Variants in GDI2 observed in about 807,000 individuals in gnomAD.
GDI2 encodes the protein GDP dissociation inhibitor 2, also known as rab GDP dissociation inhibitor beta.
In GDI2, 22 loss-of-function variants were observed where a neutral mutation model predicts 54.2. The observed-to-expected ratio is 0.41, with a 90% confidence interval of 0.29 to 0.58. GDI2 has a LOEUF of 0.58. Ranked by LOEUF, GDI2 falls within the 20% of genes least tolerant of loss-of-function variation. The pLI is 0.35. For synonymous variants in GDI2, 177 were observed against 182.1 expected, an observed-to-expected ratio of 0.97 and a Z score of 0.23; for missense variants, 422 against 546.0, an observed-to-expected ratio of 0.77 and a Z score of 2.26.
rs1225261192 is a variant in GDI2 at position 5,766,720 on chromosome 10, G to A, written c.992-82C>T. The A allele has an allele frequency of 2.7e-6, 3 of 1,113,110 alleles. No homozygotes were observed. The highest frequency in any genetic ancestry group is 4.0e-6 in the Non-Finnish European group (3 of 742,634). 69.0% of individuals were successfully genotyped at this position (1,113,110 alleles called of 1,614,324 possible). On this transcript the variant is annotated intron_variant, in intron 8 of 10. Transcript: ENST00000380191. The surrounding 1 kb of genome is among the most constrained non-coding windows in gnomAD (Gnocchi z 5.8). ...TACTCAGGTATCACCCATATGTCAT[G>A]AGGTGTGAGTTAAAATTACTCTCAA...
At chr10:5,812,701 G>A (rs1405074150) in intron 1 of GDI2, among the ~76,000 whole-genome samples, 1 of 152,240 alleles carries the variant, frequency 6.6e-6, no homozygotes, top group African/African-American at 2.4e-5. Flanking sequence ...TCAAGCCCTA[G>A]CAGTTCCGAA....
At chr10:5,784,283 ATTAT>A (rs1564392697) in intron 6 of GDI2, among the ~76,000 whole-genome samples, 1 of 152,004 alleles carries the variant, frequency 6.6e-6, no homozygotes, top group Non-Finnish European at 1.5e-5. Context: ...AGAAGTTGTG[ATTAT>A]TTATTTATGC....
At chr10:5,782,697 G>T (rs770289437) in intron 6 of GDI2, among the ~76,000 whole-genome samples, 57 of 152,212 alleles carry the variant, frequency 3.7e-4, no homozygotes, top group Admixed American at 7.2e-4. Flanking sequence ...ACATTGGGAG[G>T]CCAAGGTGGG....
rs761055605 is a variant in GDI2, at chr10:5,766,663, C to T, written c.992-25G>A. The stretch of plus-strand genomic sequence containing the variant: ...TCTAGAAACAAATGATACCAGCTCA[C>T]TGCCTCAAGTGTCTCCATCTGGGAC... On this transcript the variant is annotated intron_variant, in intron 8 of 10. Coordinates refer to ENST00000380191, the MANE Select transcript of GDI2 (RefSeq NM_001494.4). The surrounding 1 kb of genome is among the most constrained non-coding windows in gnomAD (Gnocchi z 5.8). 4 of 1,606,640 alleles carry T rather than the reference C, an allele frequency of 2.5e-6. No homozygotes were observed. In the South Asian group the frequency reaches 3.3e-5, roughly 13 times the overall value.
At chr10:5,786,138 G>A in intron 4 of GDI2, 88 bp from the exon 5 acceptor site, 1 of 634,358 alleles carries the variant, frequency 1.6e-6, no homozygotes, top group Admixed American at 2.6e-5. Context: ...AACATGCCTT[G>A]TTATCAACTG....
intron 4 of GDI2, among the ~76,000 whole-genome samples, chr10:5,794,268 G>A (rs1841098303): frequency 7.6e-6 from 1 of 132,328 alleles, no homozygotes; most frequent in African/African-American, 2.9e-5. Context: ...CAAAGATATT[G>A]GGAATTACTA....
At chr10:5,800,505 AAAATT>A in intron 2 of GDI2, 88 bp downstream of exon 2, 1 of 748,502 alleles carries the variant, frequency 1.3e-6, no homozygotes, top group South Asian at 1.5e-5. Flanking sequence ...TTAACAAAAC[AAAATT>A]AAGACCATCT....
At position 5,768,281 on chromosome 10, in the gene GDI2, A is replaced by C; in HGVS notation, c.923T>G (p.Ile308Ser). ...GGAGTTGGCATCATTGGTGTTCTTGATGGGGTGGCTGAGGATGCAAATAAC... is the reference window on the plus strand; with the variant it reads ...GGAGTTGGCATCATTGGTGTTCTTGCTGGGGTGGCTGAGGATGCAAATAAC... ...IRVICILSHP[I>S]KNTNDANSCQ... The change falls in exon 8 of 11, where the codon ATC becomes AGC. Residue 308 changes from isoleucine to serine, a missense_variant. Ile to Ser is a moderately radical substitution (Grantham distance 142, BLOSUM62 -2). Coordinates refer to ENST00000380191, the MANE Select transcript of GDI2 (RefSeq NM_001494.4). This position sits in a 1 kb window ranked among gnomAD's most constrained non-coding sequence, Gnocchi z 4.4. The C allele has an allele frequency of 6.2e-7, 1 of 1,611,280 alleles. No individual in the cohort carries two copies. Among genetic ancestry groups the C allele is most frequent in the South Asian group, 1.1e-5 (1 of 91,038 alleles).
In GDI2 at chr10:5,776,768, A is replaced by G. The variant is rs1158614106; in HGVS notation, c.720-2827T>C. 9.1e-6 allele frequency: 14 copies of G among 1,542,352 alleles called. No homozygotes were observed. Among genetic ancestry groups the G allele is most frequent in the African/African-American group, 1.4e-5 (1 of 73,180 alleles). ...AGCAAATACCAGGAAAGCCAAGGAC[A>G]TTCCAATCCCCAATCTTCCTCCCTT... is the stretch of plus-strand genomic sequence containing the variant. On this transcript the variant is annotated intron_variant, in intron 6 of 10. Coordinates refer to ENST00000380191, the MANE Select transcript of GDI2 (RefSeq NM_001494.4). This position sits in a 1 kb window ranked among gnomAD's most constrained non-coding sequence, Gnocchi z 5.3.
chr10:5,789,043 A>G (rs1314365345), intron 4 of GDI2, among the ~76,000 whole-genome samples: 1 of 152,144 alleles, frequency 6.6e-6, no homozygotes, highest in East Asian at 1.9e-4. Flanking sequence ...CTGGGATGAC[A>G]GGCATGAGCC....
chr10:5,807,413 T>TA (rs1841399370), intron 1 of GDI2, among the ~76,000 whole-genome samples: 1 of 152,216 alleles, frequency 6.6e-6, no homozygotes, highest in Non-Finnish European at 1.5e-5. Flanking sequence ...GTACATCAAG[T>TA]AACTTTAACC....
At chr10:5,807,461 GT>G (rs1329374385) in intron 1 of GDI2, among the ~76,000 whole-genome samples, 3 of 152,178 alleles carry the variant, frequency 2.0e-5, no homozygotes, top group African/African-American at 7.2e-5. Flanking sequence ...ACCAACATGA[GT>G]TGTAAATGTA....
chr10:5,798,715 C>T (rs188496722), intron 2 of GDI2, among the ~76,000 whole-genome samples: 1,576 of 145,862 alleles, frequency 0.011, 15 homozygotes, highest in Middle Eastern at 0.022. Context: ...CAGAGGCTCA[C>T]ACCTGTAACC....
chr10:5,794,802 CCTCT>C (rs1841110988), intron 4 of GDI2, 79 bp downstream of exon 4: 5 of 895,766 alleles, frequency 5.6e-6, no homozygotes, highest in Admixed American at 2.1e-5. Context: ...TTGACTGGGT[CCTCT>C]CTAAGACTCT....
intron 1 of GDI2, among the ~76,000 whole-genome samples, chr10:5,803,102 A>AT (rs1841304797): frequency 6.6e-6 from 1 of 152,234 alleles, no homozygotes; most frequent in African/African-American, 2.4e-5. Context: ...ATGTGAATTC[A>AT]GTTTTATTAA....
At chr10:5,784,595 G>A (rs1840831222) in intron 6 of GDI2, among the ~76,000 whole-genome samples, 1 of 152,202 alleles carries the variant, frequency 6.6e-6, no homozygotes, top group Non-Finnish European at 1.5e-5. Context: ...CTGCTGTTCA[G>A]ATTCTTTTGT....
In GDI2 at chr10:5,772,075, A is replaced by AG. The variant is rs1840501925; in HGVS notation, c.819+1766dup. ...CTGCACTCCAGCCTGGTGACTGAGA[A>AG]GAAAAAAAAAAACACACCATTTATC... On this transcript the variant is annotated intron_variant, in intron 7 of 10. Transcript: ENST00000380191. 4.7e-5 allele frequency among the ~76,000 whole-genome samples: 7 copies of AG among 148,988 alleles called. No individual in the cohort carries two copies. The South Asian group carries it at 1.5e-3, about 33-fold the overall frequency.
In GDI2 at chr10:5,786,107, G is replaced by A. The variant is rs113979146; in HGVS notation, c.389-57C>T. 902 of 1,111,106 alleles carry A rather than the reference G, an allele frequency of 8.1e-4. 6 individuals are homozygous for A. In the African/African-American group the frequency reaches 0.012, roughly 15 times the overall value. 68.8% of individuals were successfully genotyped at this position (1,111,106 alleles called of 1,614,324 possible). A position where few individuals can be genotyped will look rare whatever the true frequency, so the allele number is the denominator to read the frequency against. ...CTCACAATCAGACATTGAGGAGAAC[G>A]AAGTATGAGAGCAAAGTTTAAACAT... On this transcript the variant is annotated intron_variant, in intron 4 of 10. Coordinates refer to ENST00000380191, the MANE Select transcript of GDI2 (RefSeq NM_001494.4).
intron 4 of GDI2, among the ~76,000 whole-genome samples, chr10:5,787,532 T>C (rs1258576375): frequency 6.6e-6 from 1 of 151,688 alleles, no homozygotes; most frequent in Non-Finnish European, 1.5e-5. Flanking sequence ...AACATGAGGC[T>C]ATTAATGACA....
Sources: gnomAD v4.1 joint callset for allele counts (sites outside exome capture counted in the v4.1 genomes callset) on GRCh38, gnomAD v4.1.1 for gene constraint, Gnocchi (gnomAD v3.1) non-coding constraint, MANE v1.5 for transcripts, NCBI Gene and HGNC (gene_info 2026-07-23, HGNC 2026-07-21) for gene names.